The following RAB3GAP1 variants were observed in gnomAD, a reference collection of about 807,000 sequenced individuals.
RAB3GAP1 encodes RAB3 GTPase activating protein catalytic subunit 1.
RAB3GAP1 carries 86 observed loss-of-function variants against 130.7 expected under a neutral mutation model. The ratio of observed to expected loss-of-function variants is 0.66; its 90% CI spans 0.55 to 0.79. RAB3GAP1 has a LOEUF of 0.79. Among genes scored for constraint, RAB3GAP1 ranks in the 30% least tolerant of loss-of-function variants. The pLI is 0.00. For synonymous variants in RAB3GAP1, 367 were observed against 401.7 expected (o/e 0.91, Z 1.03); for missense variants, 1,029 against 1,169.4 (o/e 0.88, Z 1.75).
intron 20 of RAB3GAP1, 41 bp from the exon 21 acceptor site, chr2:135,162,707 C>T: frequency 6.2e-7 from 1 of 1,606,932 alleles, no homozygotes; most frequent in Non-Finnish European, 8.5e-7. Flanking sequence ...GTATATTTTG[C>T]TTAATTTATT....
At chr2:135,152,262 G>A (rs1242661275) in intron 18 of RAB3GAP1, among the ~76,000 whole-genome samples, 2 of 152,220 alleles carry the variant, frequency 1.3e-5, no homozygotes, top group Non-Finnish European at 2.9e-5. Context: ...CAGAAGGAGA[G>A]GGTGGATTCT....
intron 17 of RAB3GAP1, among the ~76,000 whole-genome samples, chr2:135,149,243 T>C (rs1318038733): frequency 6.6e-6 from 1 of 152,244 alleles, no homozygotes; most frequent in Non-Finnish European, 1.5e-5. Context: ...TTGAGTATAC[T>C]CCTTCATGAG....
intron 3 of RAB3GAP1, among the ~76,000 whole-genome samples, chr2:135,082,141 CAATGAATG>C (rs112935823): frequency 6.7e-6 from 1 of 148,652 alleles, no homozygotes; most frequent in Non-Finnish European, 1.5e-5. Flanking sequence ...GACTCTGTCT[CAATGAATG>C]AATGAATGAA....
intron 18 of RAB3GAP1, among the ~76,000 whole-genome samples, 168 bp downstream of exon 18, chr2:135,150,674 A>C (rs1033242554): frequency 1.3e-5 from 2 of 152,236 alleles, no homozygotes; most frequent in Non-Finnish European, 2.9e-5. Context: ...GACATAGTCA[A>C]ACTTGTTTCT....
intron 7 of RAB3GAP1, among the ~76,000 whole-genome samples, chr2:135,115,766 T>G (rs1008241161): frequency 4.6e-5 from 7 of 152,240 alleles, no homozygotes; most frequent in African/African-American, 1.7e-4. Context: ...GTCTAAACAC[T>G]TTGGGTTCTG....
At chr2:135,055,528 G>C (rs1295074446) in intron 2 of RAB3GAP1, among the ~76,000 whole-genome samples, 1 of 151,920 alleles carries the variant, frequency 6.6e-6, no homozygotes, top group Non-Finnish European at 1.5e-5. Flanking sequence ...AAATACAAAA[G>C]CTAGCTGGGC....
At chr2:135,125,417 T>G (rs552721668) in intron 9 of RAB3GAP1, among the ~76,000 whole-genome samples, 1 of 152,224 alleles carries the variant, frequency 6.6e-6, no homozygotes, top group Non-Finnish European at 1.5e-5. Context: ...TAAAATTTAA[T>G]TTATAAATTT....
intron 9 of RAB3GAP1, 83 bp downstream of exon 9, chr2:135,124,329 A>G: frequency 3.0e-6 from 4 of 1,328,768 alleles, no homozygotes; most frequent in Non-Finnish European, 4.3e-6. Flanking sequence ...GTGCTTTATG[A>G]TGCTATAGCT....
chr2:135,073,249 C>G (rs72978314), intron 3 of RAB3GAP1, among the ~76,000 whole-genome samples: 6,602 of 152,164 alleles, frequency 0.043, 489 homozygotes, highest in African/African-American at 0.15. Context: ...TGCATTTGCC[C>G]CCATTACCCA....
At chr2:135,073,310 C>T (rs1689530282) in intron 3 of RAB3GAP1, among the ~76,000 whole-genome samples, 1 of 152,168 alleles carries the variant, frequency 6.6e-6, no homozygotes, top group Admixed American at 6.5e-5. Flanking sequence ...ACAGAGTAGG[C>T]AGCTCTTGAA....
chr2:135,149,481 T>G (rs1692104169), intron 17 of RAB3GAP1, among the ~76,000 whole-genome samples: 1 of 152,226 alleles, frequency 6.6e-6, no homozygotes, highest in Non-Finnish European at 1.5e-5. Flanking sequence ...GCATATAGTT[T>G]CTGGAGCCCA....
intron 3 of RAB3GAP1, among the ~76,000 whole-genome samples, chr2:135,089,427 C>G (rs913402202): frequency 1.3e-5 from 2 of 150,872 alleles, no homozygotes; most frequent in African/African-American, 5.0e-5. Flanking sequence ...GTGAAGAAAG[C>G]CAGTGGTAGC....
chr2:135,161,505 TA>T (rs1558805039), intron 19 of RAB3GAP1, among the ~76,000 whole-genome samples: 1 of 152,054 alleles, frequency 6.6e-6, no homozygotes, highest in Non-Finnish European at 1.5e-5. Context: ...AAAAAAACCA[TA>T]AAGAAAAGCA....
chr2:135,128,621 C>T (rs1023266950), intron 11 of RAB3GAP1, among the ~76,000 whole-genome samples: 5 of 152,126 alleles, frequency 3.3e-5, no homozygotes, highest in South Asian at 2.1e-4. Flanking sequence ...TTTAGTTTAA[C>T]GTTCCATGAT....
intron 5 of RAB3GAP1, among the ~76,000 whole-genome samples, chr2:135,096,102 T>C (rs1690285640): frequency 6.6e-6 from 1 of 152,240 alleles, no homozygotes; most frequent in African/African-American, 2.4e-5. Flanking sequence ...AGGTCTCTTC[T>C]GTCTTTTTCA....
intron 3 of RAB3GAP1, among the ~76,000 whole-genome samples, chr2:135,066,611 A>G (rs1689330212): frequency 6.6e-6 from 1 of 152,118 alleles, no homozygotes; most frequent in Admixed American, 6.5e-5. Context: ...CAGAAATTTA[A>G]GTGTGTGTAA....
At chr2:135,052,752 C>T (rs190873439) in intron 2 of RAB3GAP1, among the ~76,000 whole-genome samples, 13 of 152,336 alleles carry the variant, frequency 8.5e-5, no homozygotes, top group African/African-American at 3.1e-4. Flanking sequence ...AGACCGCTTC[C>T]CTTAGACTTT....
intron 3 of RAB3GAP1, among the ~76,000 whole-genome samples, chr2:135,063,746 T>TA (rs763491626): frequency 1.3e-5 from 2 of 152,226 alleles, no homozygotes; most frequent in Non-Finnish European, 2.9e-5. Context: ...GGGTCGCTTC[T>TA]ACCTTTTAGC....
At chr2:135,097,621 G>A (rs1480826864) in intron 5 of RAB3GAP1, among the ~76,000 whole-genome samples, 1 of 152,126 alleles carries the variant, frequency 6.6e-6, no homozygotes, top group African/African-American at 2.4e-5. Flanking sequence ...TCTACTGTAT[G>A]TAAATAGAAT....
Sources: gnomAD v4.1 joint callset for allele counts (sites outside exome capture counted in the v4.1 genomes callset) on GRCh38, gnomAD v4.1.1 for gene constraint, MANE v1.5 for transcripts, NCBI Gene and HGNC (gene_info 2026-07-23, HGNC 2026-07-21) for gene names.